ZFHX3: variants seen among roughly 807,000 people sequenced by gnomAD.
The protein encoded by ZFHX3 is zinc finger homeobox protein 3.
ZFHX3 carries 42 observed loss-of-function variants against 279.1 expected under a neutral mutation model. The ratio of observed to expected loss-of-function variants is 0.15; its 90% confidence interval spans 0.12 to 0.19. The LOEUF is 0.19. Among genes scored for constraint, ZFHX3 ranks in the 10% least tolerant of loss-of-function variants. ZFHX3 has a pLI of 1.00. For missense variants in ZFHX3, 4,981 were observed against 4,754.0 expected, an observed-to-expected ratio of 1.05 and a Z score of -1.40; for synonymous variants, 2,293 against 1,957.8, an observed-to-expected ratio of 1.17 and a Z score of -4.52.
At chr16:72,831,763 C>T (rs2037066258) in intron 4 of ZFHX3, among the ~76,000 whole-genome samples, 1 of 152,176 alleles carries the variant, frequency 6.6e-6, no homozygotes, top group Non-Finnish European at 1.5e-5. Flanking sequence ...TGCATTCGGT[C>T]TACCCAGATG....
intron 3 of ZFHX3, among the ~76,000 whole-genome samples, chr16:73,434,072 A>G (rs2017955901): frequency 6.6e-6 from 1 of 152,200 alleles, no homozygotes; most frequent in African/African-American, 2.4e-5. Context: ...TATCAGGACT[A>G]GTGGTCAGTA....
At position 73,600,879 on chromosome 16, in the gene ZFHX3, G is replaced by C. The variant is rs989182957; in HGVS notation, c.-1547+79301C>G. On this transcript the variant is annotated intron_variant, in intron 2 of 17. Coordinates refer to the ZFHX3 transcript ENST00000641206. Reference sequence around the variant, plus strand: ...ATGGAACACCACTGCCCTGAACATGGGGATTGGAACCCAGTCTAACTCCAG... The same window carrying C: ...ATGGAACACCACTGCCCTGAACATGCGGATTGGAACCCAGTCTAACTCCAG... Among the ~76,000 whole-genome samples the C allele has an allele frequency of 1.1e-4, 16 of 152,148 alleles. No individual in the cohort carries two copies. In the East Asian group the frequency reaches 2.7e-3, roughly 26 times the overall value.
At chr16:73,301,758 CTT>C (rs559715399) in intron 4 of ZFHX3, among the ~76,000 whole-genome samples, 32 of 139,976 alleles carry the variant, frequency 2.3e-4, no homozygotes, top group Non-Finnish European at 2.6e-4. Flanking sequence ...TTGATTCCAG[CTT>C]TTTTTTTTTT....
chr16:73,022,453 C>A (rs372011855), intron 1 of ZFHX3, among the ~76,000 whole-genome samples: 1 of 152,130 alleles, frequency 6.6e-6, no homozygotes, highest in Non-Finnish European at 1.5e-5. Flanking sequence ...GATATTCAGG[C>A]TGTGTCATTC....
chr16:73,284,048 G>T (rs1263127146), intron 4 of ZFHX3, among the ~76,000 whole-genome samples: 1 of 152,164 alleles, frequency 6.6e-6, no homozygotes, highest in Admixed American at 6.5e-5. Context: ...GCCAGGCGCG[G>T]TGGCTCACGC....
chr16:73,062,271 C>G (rs1015455411), upstream of ZFHX3: 1 of 152,054 alleles, frequency 6.6e-6, no homozygotes, highest in Non-Finnish European at 1.5e-5. Flanking sequence ...TATAAAAACA[C>G]AAAAATATAT....
intron 1 of ZFHX3, among the ~76,000 whole-genome samples, chr16:73,699,578 A>G (rs1028634834): frequency 1.3e-5 from 2 of 152,242 alleles, no homozygotes; most frequent in Non-Finnish European, 2.9e-5. Flanking sequence ...ATTTAAGAAA[A>G]CAAACACACT....
chr16:73,583,781 G>T (rs1322486656), intron 2 of ZFHX3, among the ~76,000 whole-genome samples: 1 of 152,100 alleles, frequency 6.6e-6, no homozygotes, highest in African/African-American at 2.4e-5. Context: ...TCTTGAAAGA[G>T]AATCGGCAAA....
At chr16:73,023,410 G>A (rs1371903113) in intron 1 of ZFHX3, among the ~76,000 whole-genome samples, 2 of 152,162 alleles carry the variant, frequency 1.3e-5, no homozygotes, top group Non-Finnish European at 2.9e-5. Context: ...GCCTGGAGCA[G>A]GCCTGTGAGG....
At chr16:73,168,243 C>G (rs978653206) in intron 5 of ZFHX3, among the ~76,000 whole-genome samples, 1 of 145,510 alleles carries the variant, frequency 6.9e-6, no homozygotes, top group Non-Finnish European at 1.5e-5. Flanking sequence ...TTCTTTCTTT[C>G]TTTCTTTCTT....
intron 5 of ZFHX3, among the ~76,000 whole-genome samples, chr16:73,247,054 T>C (rs995621702): frequency 2.0e-5 from 3 of 152,190 alleles, no homozygotes; most frequent in African/African-American, 7.2e-5. Flanking sequence ...TCTGTGTGTC[T>C]ATATACCTGT....
At chr16:73,891,090 C>T (rs1010232691) in intron 1 of ZFHX3, among the ~76,000 whole-genome samples, 6 of 148,340 alleles carry the variant, frequency 4.0e-5, no homozygotes, top group Non-Finnish European at 5.9e-5. Context: ...TATGTCATCT[C>T]CATACTAATC....
intron 4 of ZFHX3, among the ~76,000 whole-genome samples, chr16:73,318,082 G>A (rs1018369671): frequency 1.3e-5 from 2 of 152,216 alleles, no homozygotes; most frequent in African/African-American, 4.8e-5. Context: ...CCTGGTCCTT[G>A]CCAGGTAGAC....
chr16:73,222,740 C>A (rs964980016), intron 5 of ZFHX3, among the ~76,000 whole-genome samples: 1 of 151,916 alleles, frequency 6.6e-6, no homozygotes, highest in Non-Finnish European at 1.5e-5. Flanking sequence ...TATGAAGATG[C>A]CAAAGACCAA....
At chr16:73,059,521 CCTTTCTCTCTCT>C (rs1264864834) in exon 1 of ZFHX3, 85 of 64,016 alleles carry the variant, frequency 1.3e-3, no homozygotes, top group African/African-American at 5.5e-3. Flanking sequence ...ATTATTTTCC[CCTTTCTCTCTCT>C]CTCTCTCTCT....
intron 4 of ZFHX3, among the ~76,000 whole-genome samples, chr16:73,258,637 C>A (rs1056521059): frequency 1.3e-5 from 2 of 152,072 alleles, no homozygotes; most frequent in African/African-American, 2.4e-5. Context: ...CGTGAGCCAC[C>A]GCACCCGGCC....
rs1596992470 is a variant in ZFHX3, at chr16:73,549,233, T to A, written c.-1546-92975A>T. Among the ~76,000 whole-genome samples, 6 of 152,246 alleles carry A rather than the reference T, an allele frequency of 3.9e-5. No homozygotes were observed. In the South Asian group the frequency reaches 1.2e-3, roughly 32 times the overall value. On this transcript the variant is annotated intron_variant, in intron 2 of 17. Transcript: ENST00000641206. ...ATTTTAAAATTATTTTCTGAAGAAATATTGCATGGAAATCAATATGAAAAA... is the reference window on the plus strand; with the variant it reads ...ATTTTAAAATTATTTTCTGAAGAAAAATTGCATGGAAATCAATATGAAAAA...
At chr16:73,241,490 T>C (rs2013119184) in intron 5 of ZFHX3, among the ~76,000 whole-genome samples, 1 of 150,958 alleles carries the variant, frequency 6.6e-6, no homozygotes, top group African/African-American at 2.4e-5. Flanking sequence ...AAACTAAGAG[T>C]AATAAAAGGA....
chr16:73,605,644 G>C (rs1469647508), intron 2 of ZFHX3, among the ~76,000 whole-genome samples: 2 of 151,900 alleles, frequency 1.3e-5, no homozygotes, highest in Middle Eastern at 6.8e-3. Flanking sequence ...TCTAACATAG[G>C]GGGAGAGTCT....
Sources: gnomAD v4.1 joint callset for allele counts (sites outside exome capture counted in the v4.1 genomes callset) on GRCh38, gnomAD v4.1.1 for gene constraint, MANE v1.5 for transcripts, NCBI Gene and HGNC (gene_info 2026-07-23, HGNC 2026-07-21) for gene names.